The following DNMT3A variants were observed in gnomAD, a reference collection of about 807,000 sequenced individuals.
The protein encoded by DNMT3A is DNA methyltransferase 3 alpha.
A neutral mutation model predicts 117.6 loss-of-function variants in DNMT3A; 267 were observed. The observed-to-expected ratio is 2.27, with a 90% CI of 2.05 to 2.51. The LOEUF (loss-of-function observed/expected upper bound fraction) is 2.51. DNMT3A is among the 30% of genes most tolerant of loss of function. The pLI is 0.00. For synonymous variants in DNMT3A, 432 were observed against 474.8 expected, an observed-to-expected ratio of 0.91 and a Z score of 1.17; for missense variants, 1,029 against 1,260.2, an observed-to-expected ratio of 0.82 and a Z score of 2.78.
In DNMT3A at chr2:25,248,155, GCAGGA is replaced by G. The variant is rs1176181786; in HGVS notation, c.732_736del (p.Pro245CysfsTer6). ...TGCGGGGTCAGTGGGCTGCTGCACA[GCAGGA>G]GGGCTGGCCTCCTCCACCTTCTGAG... On this transcript the variant is annotated frameshift_variant, in exon 7 of 23. Coordinates refer to ENST00000321117, the MANE Select transcript of DNMT3A (RefSeq NM_022552.5). LOFTEE classifies it high-confidence loss of function. 6.2e-7 allele frequency: 1 copy of G among 1,613,772 alleles called. No individual in the cohort carries two copies. Among genetic ancestry groups the G allele is most frequent in the Non-Finnish European group, 8.5e-7 (1 of 1,179,980 alleles).
chr2:25,252,103 CTT>C lies in DNMT3A; in HGVS notation c.640-3853_640-3852del, dbSNP rs1388543452. Reference sequence around the variant, plus strand: ...GCGGGCCGGGGAGGCATACTTCACTCTTTTCAAACCCGGAGGGCTGCGGAGAT... The same window carrying C: ...GCGGGCCGGGGAGGCATACTTCACTCTTCAAACCCGGAGGGCTGCGGAGAT... On this transcript the variant is annotated intron_variant, in intron 6 of 22. Transcript: ENST00000321117. This position sits in a 1 kb window ranked among gnomAD's most constrained non-coding sequence, Gnocchi z 5.5. The C allele has an allele frequency of 6.0e-6, 9 of 1,508,862 alleles. No individual in the cohort carries two copies. The South Asian group carries it at 8.6e-5, about 14-fold the overall frequency. 93.5% of individuals were successfully genotyped at this position (1,508,862 alleles called of 1,614,324 possible). A position where few individuals can be genotyped will look rare whatever the true frequency, so the allele number is the denominator to read the frequency against.
intron 4 of DNMT3A, among the ~76,000 whole-genome samples, chr2:25,277,669 T>A (rs1221782617): frequency 6.6e-6 from 1 of 152,186 alleles, no homozygotes; most frequent in Non-Finnish European, 1.5e-5. Flanking sequence ...TACGGATAAT[T>A]ATTTATTCAT....
Position 25,286,860 on chromosome 2 carries a change from C to CAGCCTGAGTTCTGGGGAGGG in DNMT3A, c.178-4150_178-4149insCCCTCCCCAGAACTCAGGCT, listed in dbSNP as rs2032344735. 2.0e-5 allele frequency among the ~76,000 whole-genome samples: 3 copies of CAGCCTGAGTTCTGGGGAGGG among 152,194 alleles called. No homozygotes were observed. Among genetic ancestry groups the CAGCCTGAGTTCTGGGGAGGG allele is most frequent in the African/African-American group, 7.2e-5 (3 of 41,450 alleles). ...CCTCTTCTGCCCCCAACTCCATGTC[C>CAGCCTGAGTTCTGGGGAGGG]TCCTCCCAGCCACTCTCCTCCCCTC... is the stretch of plus-strand genomic sequence containing the variant. On this transcript the variant is annotated intron_variant, in intron 3 of 22. Transcript: ENST00000321117. The surrounding 1 kb of genome is among the most constrained non-coding windows in gnomAD (Gnocchi z 4.3).
chr2:25,232,641 G>A lies in DNMT3A; in HGVS notation c.*1638C>T, dbSNP rs1672930252. The stretch of plus-strand genomic sequence containing the variant: ...CCGCCCAGCTGTCACCATGCCCAGT[G>A]GCCCACCTGGCCCGAGGGGTGGGAG... On this transcript the variant is annotated 3_prime_UTR_variant, in exon 23 of 23. Transcript: ENST00000321117. This position sits in a 1 kb window ranked among gnomAD's most constrained non-coding sequence, Gnocchi z 4.1. The A allele has an allele frequency of 6.3e-6, 1 of 158,152 alleles. No homozygotes were observed. The highest frequency in any genetic ancestry group is 1.4e-5 in the Non-Finnish European group (1 of 71,458). The allele number at this position is 158,152 out of a possible 1,614,324, so 9.8% of individuals were successfully genotyped here.
Position 25,247,166 on chromosome 2 carries a change from GA to G in DNMT3A, c.1015-9del. 6.2e-7 allele frequency: 1 copy of G among 1,613,222 alleles called. No homozygotes were observed. Among genetic ancestry groups the G allele is most frequent in the Non-Finnish European group, 8.5e-7 (1 of 1,179,572 alleles). On this transcript the variant is annotated splice_polypyrimidine_tract_variant and intron_variant, in intron 8 of 22. Coordinates refer to ENST00000321117, the MANE Select transcript of DNMT3A (RefSeq NM_022552.5). This position sits in a 1 kb window ranked among gnomAD's most constrained non-coding sequence, Gnocchi z 5.6. ...CAGCTTCTCAACACACACCTGGGGG[GA>G]CAAGCCAGGCCTTGTTTGCCGAGGC...
At chr2:25,331,045 A>G (rs1323743048) in intron 1 of DNMT3A, among the ~76,000 whole-genome samples, 7 of 152,188 alleles carry the variant, frequency 4.6e-5, no homozygotes, top group Admixed American at 4.6e-4. Context: ...GGAGGGAAGG[A>G]AAAAATATCC....
chr2:25,284,645 T>TGAAAAAAAAAAAAAAAAAAAAAAAA (rs1287436463), intron 3 of DNMT3A, among the ~76,000 whole-genome samples: 2 of 16,634 alleles, frequency 1.2e-4, no homozygotes, highest in Non-Finnish European at 9.7e-5. Context: ...AGACTCCATC[T>TGAAAAAAAAAAAAAAAAAAAAAAAA]AAAAAAAAAA....
intron 4 of DNMT3A, among the ~76,000 whole-genome samples, chr2:25,277,016 G>A (rs562587864): frequency 6.6e-6 from 1 of 152,100 alleles, no homozygotes; most frequent in South Asian, 2.1e-4. Context: ...TGTCCCTGGT[G>A]ACAGCGACTC....
chr2:25,316,435 C>T (rs1200270477), intron 1 of DNMT3A, among the ~76,000 whole-genome samples: 1 of 152,242 alleles, frequency 6.6e-6, no homozygotes, highest in Non-Finnish European at 1.5e-5. Context: ...CCTGGGTCAA[C>T]CCTTTCGTGT....
At chr2:25,259,769 G>A (rs148894694) in intron 6 of DNMT3A, among the ~76,000 whole-genome samples, 58 of 152,232 alleles carry the variant, frequency 3.8e-4, no homozygotes, top group Non-Finnish European at 7.8e-4. Context: ...GGGGCCTAAA[G>A]GAGCCGCATT....
Position 25,237,101 on chromosome 2 carries a change from A to C in DNMT3A, c.2409-96T>G. On this transcript the variant is annotated intron_variant, in intron 20 of 22. Transcript: ENST00000321117. The surrounding 1 kb of genome is among the most constrained non-coding windows in gnomAD (Gnocchi z 5.4). ...TCCCCTCCCTCCCCCAGCAGCCACT[A>C]GTTCACAGGGTAAGAGCCCCTTCCC... 1 of 1,268,236 alleles carries C rather than the reference A, an allele frequency of 7.9e-7. No homozygotes were observed. 78.6% of individuals were successfully genotyped at this position (1,268,236 alleles called of 1,614,324 possible).
At chr2:25,249,482 T>C (rs1407810505) in intron 6 of DNMT3A, 59 of 710,178 alleles carry the variant, frequency 8.3e-5, no homozygotes, top group Non-Finnish European at 1.3e-4. Context: ...CCAGTGTGTA[T>C]TGTTACCAGA....
chr2:25,239,219 CAAA>C lies in DNMT3A; in HGVS notation c.2323-7_2323-5del. The C allele has an allele frequency of 6.2e-7, 1 of 1,613,552 alleles. No individual in the cohort carries two copies. Among genetic ancestry groups the C allele is most frequent in the Non-Finnish European group, 8.5e-7 (1 of 1,179,692 alleles). On this transcript the variant is annotated splice_polypyrimidine_tract_variant and splice_region_variant and intron_variant, in intron 19 of 22. Transcript: ENST00000321117. ...CATCAATCATCACAGGGTTGGACTA[CAAA>C]ACAGGAGACGGTTTGAAGATGAGCC...
chr2:25,316,745 G>A (rs930085077), intron 1 of DNMT3A, among the ~76,000 whole-genome samples: 2 of 152,144 alleles, frequency 1.3e-5, no homozygotes, highest in African/African-American at 2.4e-5. Context: ...ATACCAAAGC[G>A]TTCTTCCCAC....
chr2:25,272,334 G>A (rs2030978968), intron 6 of DNMT3A, among the ~76,000 whole-genome samples: 2 of 152,206 alleles, frequency 1.3e-5, no homozygotes, highest in Admixed American at 6.5e-5. Context: ...TTGAGAAAAT[G>A]TATCTATGAT....
intron 2 of DNMT3A, among the ~76,000 whole-genome samples, chr2:25,309,554 CG>C (rs897740234): frequency 6.6e-6 from 1 of 152,082 alleles, no homozygotes; most frequent in Non-Finnish European, 1.5e-5. Context: ...ACATCACCAC[CG>C]GGGGGCACTG....
In DNMT3A at chr2:25,305,479, A is replaced by G. The variant is rs1364118893; in HGVS notation, c.73-5236T>C. On this transcript the variant is annotated intron_variant, in intron 2 of 22. Coordinates refer to ENST00000321117, the MANE Select transcript of DNMT3A (RefSeq NM_022552.5). This position sits in a 1 kb window ranked among gnomAD's most constrained non-coding sequence, Gnocchi z 4.1. ...CACTGAACGTGGTAATTAACAAAGC[A>G]TCTTCACATATGTTATTTCATTGTA... Among the ~76,000 whole-genome samples, 1 of 152,238 alleles carries G rather than the reference A, an allele frequency of 6.6e-6. No homozygotes were observed. The highest frequency in any genetic ancestry group is 1.5e-5 in the Non-Finnish European group (1 of 68,046).
At chr2:25,290,933 G>A (rs1162465773) in intron 3 of DNMT3A, among the ~76,000 whole-genome samples, 2 of 152,176 alleles carry the variant, frequency 1.3e-5, no homozygotes, top group Non-Finnish European at 2.9e-5. Context: ...CCAGAGGGCC[G>A]GGCCTGCCAT....
intron 4 of DNMT3A, among the ~76,000 whole-genome samples, chr2:25,277,931 A>G (rs1432486479): frequency 6.7e-6 from 1 of 150,362 alleles, no homozygotes; most frequent in Non-Finnish European, 1.5e-5. Context: ...ATTTTTCCCT[A>G]TGCAGTTTCC....
Sources: allele counts gnomAD v4.1 joint callset (sites outside exome capture counted in the v4.1 genomes callset), GRCh38; gene constraint gnomAD v4.1.1; non-coding constraint Gnocchi (gnomAD v3.1); transcripts MANE v1.5; gene names NCBI Gene and HGNC (gene_info 2026-07-23, HGNC 2026-07-21).